Variants in CCDC57 observed in about 807,000 individuals in gnomAD.
CCDC57 encodes coiled-coil domain-containing protein 57.
Under a neutral mutation model 118.9 loss-of-function variants are expected in CCDC57, and 118 were observed. The observed-to-expected ratio is 0.99, with a 90% CI of 0.86 to 1.16. The LOEUF is 1.16. Ranked by LOEUF, CCDC57 falls within the 50% of genes most tolerant of loss-of-function variation. The probability of loss-of-function intolerance (pLI) is 0.00; values close to 1 mark genes in which losing one functional copy is unlikely to be tolerated. For missense variants in CCDC57, 1,300 were observed against 1,320.7 expected, an observed-to-expected ratio of 0.98 and a Z score of 0.24; for synonymous variants, 527 against 532.9, an observed-to-expected ratio of 0.99 and a Z score of 0.15.
At chr17:82,170,373 T>C (rs1599114210) in intron 13 of CCDC57, among the ~76,000 whole-genome samples, 1 of 151,866 alleles carries the variant, frequency 6.6e-6, no homozygotes, top group South Asian at 2.1e-4. Context: ...CCGGGCGTGG[T>C]GGCATGCACC....
intron 1 of CCDC57, among the ~76,000 whole-genome samples, chr17:82,211,474 G>C (rs1260089471): frequency 6.6e-6 from 1 of 152,154 alleles, no homozygotes. Flanking sequence ...TAAGAGGTCA[G>C]CATTCTAGGG....
At chr17:82,193,526 C>A (rs574542916) in intron 7 of CCDC57, among the ~76,000 whole-genome samples, 2 of 148,040 alleles carry the variant, frequency 1.4e-5, no homozygotes, top group East Asian at 4.0e-4. Context: ...AGCCTGGGCA[C>A]AGAGCAAGAC....
At chr17:82,201,567 C>T (rs1340677468) in exon 3 of CCDC57, 1 of 1,611,066 alleles carries the variant, frequency 6.2e-7, no homozygotes, top group East Asian at 2.2e-5. Flanking sequence ...CCAGGCGATG[C>T]TCCTGGAATG....
At chr17:82,148,712 A>T (rs1389877048) in intron 16 of CCDC57, among the ~76,000 whole-genome samples, 1 of 73,224 alleles carries the variant, frequency 1.4e-5, no homozygotes, top group East Asian at 2.0e-3. Flanking sequence ...GGGCAGACGG[A>T]TGGGTGGATG....
At chr17:82,110,862 T>C (rs2035191135) in intron 19 of CCDC57, among the ~76,000 whole-genome samples, 1 of 151,942 alleles carries the variant, frequency 6.6e-6, no homozygotes, top group Non-Finnish European at 1.5e-5. Context: ...CTGTTTCTAT[T>C]AATAATACAA....
In CCDC57 at chr17:82,184,022, C is replaced by CGCGT. The variant is rs1374421987; in HGVS notation, c.1053-91_1053-90insACGC. 1.2e-5 allele frequency: 5 copies of CGCGT among 408,252 alleles called. 1 individual carries two copies. The highest frequency in any genetic ancestry group is 1.0e-4 in the Admixed American group (2 of 19,578). 25.3% of individuals were successfully genotyped at this position (408,252 alleles called of 1,614,324 possible). A position where few individuals can be genotyped will look rare whatever the true frequency, so the allele number is the denominator to read the frequency against. On this transcript the variant is annotated intron_variant, in intron 8 of 19. Coordinates refer to ENST00000665763, the Ensembl canonical transcript of CCDC57. ...ACCCCCCAGCAAATACACATGCGCGCGCGCGCGCGCACACACACACACACA... is the reference window on the plus strand; with the variant it reads ...ACCCCCCAGCAAATACACATGCGCGCGCGTGCGCGCGCGCACACACACACACACA...
chr17:82,153,151 C>T (rs1006726736), intron 15 of CCDC57, among the ~76,000 whole-genome samples: 5 of 152,132 alleles, frequency 3.3e-5, no homozygotes, highest in African/African-American at 1.2e-4. Context: ...GGAATGGGCT[C>T]TTGGGTGTGG....
intron 11 of CCDC57, among the ~76,000 whole-genome samples, chr17:82,174,310 G>A (rs2045179649): frequency 6.6e-6 from 1 of 152,380 alleles, no homozygotes; most frequent in East Asian, 1.9e-4. Context: ...GAGAGGATGC[G>A]AACAGAACCT....
chr17:82,146,704 T>C (rs1228997200), intron 16 of CCDC57, among the ~76,000 whole-genome samples: 2 of 152,230 alleles, frequency 1.3e-5, no homozygotes. Context: ...CATTGAGTCC[T>C]CCCTATGGAT....
chr17:82,128,927 T>TG (rs1039769246), intron 17 of CCDC57, among the ~76,000 whole-genome samples: 11 of 151,798 alleles, frequency 7.2e-5, no homozygotes, highest in Non-Finnish European at 1.6e-4. Context: ...TTTTTGTTTT[T>TG]TTTTTTTTTG....
intron 19 of CCDC57, among the ~76,000 whole-genome samples, chr17:82,119,615 A>G (rs1259372719): frequency 6.6e-6 from 1 of 151,696 alleles, no homozygotes; most frequent in Admixed American, 6.6e-5. Flanking sequence ...TGGAGGAGGC[A>G]GGTGCTGGGC....
At chr17:82,165,479 G>A (rs1305125305) in intron 13 of CCDC57, among the ~76,000 whole-genome samples, 1 of 151,338 alleles carries the variant, frequency 6.6e-6, no homozygotes, top group African/African-American at 2.4e-5. Context: ...ACAACCCAGA[G>A]CTCAGACCAA....
rs955145540 is a variant in CCDC57 at position 82,192,335 on chromosome 17, T to C, written c.851+1421A>G. ...CATAGGATACACACAACATGCCCAATGTGTGTTAATGAACTGTGTTATCAG... is the reference window on the plus strand; with the variant it reads ...CATAGGATACACACAACATGCCCAACGTGTGTTAATGAACTGTGTTATCAG... On this transcript the variant is annotated intron_variant, in intron 7 of 19. Transcript: ENST00000665763. The surrounding 1 kb of genome is among the most constrained non-coding windows in gnomAD (Gnocchi z 4.0). Among the ~76,000 whole-genome samples, 1 of 152,300 alleles carries C rather than the reference T, an allele frequency of 6.6e-6. No individual in the cohort carries two copies. Among genetic ancestry groups the C allele is most frequent in the Admixed American group, 6.5e-5 (1 of 15,300 alleles).
At chr17:82,188,196 G>C (rs1258337533) in intron 8 of CCDC57, 23 bp downstream of exon 7, 3 of 1,528,030 alleles carry the variant, frequency 2.0e-6, no homozygotes, top group Admixed American at 4.0e-5. Flanking sequence ...TCACCCTCTG[G>C]GTGGAGCCAA....
intron 8 of CCDC57, 32 bp downstream of exon 7, chr17:82,188,187 C>T: frequency 6.6e-7 from 1 of 1,516,528 alleles, no homozygotes. Flanking sequence ...TCCCTGCCCT[C>T]ACCCTCTGGG....
chr17:82,151,534 C>G, intron 16 of CCDC57, 26 bp downstream of exon 15: 1 of 1,548,282 alleles, frequency 6.5e-7, no homozygotes, highest in South Asian at 1.2e-5. Context: ...CACACTCAGG[C>G]CATGGCCTCC....
chr17:82,151,677 G>A, exon 16 of CCDC57: 1 of 1,550,406 alleles, frequency 6.4e-7, no homozygotes. Context: ...TGGAGTCGGT[G>A]CATAGATAAG....
At chr17:82,202,817 A>G (rs1456580190) in intron 2 of CCDC57, among the ~76,000 whole-genome samples, 2 of 152,188 alleles carry the variant, frequency 1.3e-5, no homozygotes, top group Non-Finnish European at 2.9e-5. Flanking sequence ...GATGGGAAAC[A>G]TGGTTTGTCC....
At chr17:82,188,344 C>T (rs1182487977) in exon 8 of CCDC57, 1 of 1,610,118 alleles carries the variant, frequency 6.2e-7, no homozygotes, top group African/African-American at 1.3e-5. Context: ...GCTCCTGCAG[C>T]TGCTCCACGT....
Sources: allele counts gnomAD v4.1 joint callset (sites outside exome capture counted in the v4.1 genomes callset), GRCh38; gene constraint gnomAD v4.1.1; non-coding constraint Gnocchi (gnomAD v3.1); transcripts MANE v1.5; gene names NCBI Gene and HGNC (gene_info 2026-07-23, HGNC 2026-07-21).